The following ATIC variants were observed in gnomAD, a reference collection of about 807,000 sequenced individuals.
ATIC encodes the protein bifunctional purine biosynthesis protein ATIC.
ATIC carries 64 observed loss-of-function variants against 72.5 expected under a neutral mutation model. That is an observed-to-expected ratio of 0.88 (90% CI 0.72 to 1.09). ATIC has a LOEUF of 1.09. Ranked by LOEUF, ATIC falls within the 50% of genes least tolerant of loss-of-function variation. ATIC has a pLI of 0.00. For synonymous variants in ATIC, 281 were observed against 267.1 expected (o/e 1.05, Z -0.51); for missense variants, 787 against 732.4 (o/e 1.07, Z -0.86).
the ATIC span, among the ~76,000 whole-genome samples, chr2:215,355,969 T>C: frequency 6.6e-6 from 1 of 152,364 alleles, no homozygotes; most frequent in Non-Finnish European, 1.5e-5. Flanking sequence ...TCCAAAAGGC[T>C]GAATAGCTTC....
the ATIC span, chr2:215,362,060 C>A: frequency 6.2e-7 from 1 of 1,614,034 alleles, no homozygotes; most frequent in Non-Finnish European, 8.5e-7. Flanking sequence ...AGGTCTGCGG[C>A]AGTTGTCACA....
chr2:215,340,068 C>T (rs1368961058), intron 12 of ATIC, among the ~76,000 whole-genome samples: 3 of 152,148 alleles, frequency 2.0e-5, no homozygotes, highest in Non-Finnish European at 4.4e-5. Flanking sequence ...TAGCTCACTG[C>T]AACGTGGATC....
chr2:215,368,097 C>T, the ATIC span: 8 of 1,475,352 alleles, frequency 5.4e-6, no homozygotes, highest in East Asian at 2.3e-5. Flanking sequence ...AGAAGAAAAT[C>T]GAATGACTGT....
At chr2:215,366,367 A>G in the ATIC span, among the ~76,000 whole-genome samples, 2 of 152,254 alleles carry the variant, frequency 1.3e-5, no homozygotes. Flanking sequence ...CTGGATACAA[A>G]GTAGTTCAAT....
At chr2:215,343,912 T>C (rs1270084229) in intron 12 of ATIC, among the ~76,000 whole-genome samples, 2 of 152,220 alleles carry the variant, frequency 1.3e-5, no homozygotes, top group African/African-American at 4.8e-5. Flanking sequence ...ATAGTGATAT[T>C]TTTGGGCGTT....
intron 6 of ATIC, among the ~76,000 whole-genome samples, chr2:215,326,540 G>T (rs4672767): frequency 6.6e-6 from 1 of 151,354 alleles, no homozygotes; most frequent in African/African-American, 2.4e-5. Flanking sequence ...AACCCAGGAG[G>T]TGGAAGTTGC....
chr2:215,353,808 C>G (rs188091405), downstream of ATIC, among the ~76,000 whole-genome samples: 1 of 151,982 alleles, frequency 6.6e-6, no homozygotes, highest in Non-Finnish European at 1.5e-5. Context: ...GTGATCTGCC[C>G]GCCTCGGCCT....
At chr2:215,358,294 C>T in the ATIC span, among the ~76,000 whole-genome samples, 41,697 of 152,026 alleles carry the variant, frequency 0.27, 6,316 homozygotes, top group South Asian at 0.47. Context: ...GTCTGATTAA[C>T]ATTTACTAGT....
chr2:215,315,371 T>G (rs1477731004), intron 2 of ATIC, among the ~76,000 whole-genome samples: 1 of 151,824 alleles, frequency 6.6e-6, no homozygotes, highest in Non-Finnish European at 1.5e-5. Flanking sequence ...TATATATATA[T>G]TTTTTTAGAG....
At chr2:215,330,446 C>T (rs2052878676) in intron 7 of ATIC, among the ~76,000 whole-genome samples, 1 of 152,124 alleles carries the variant, frequency 6.6e-6, no homozygotes, top group Non-Finnish European at 1.5e-5. Context: ...GCAGTTTCTC[C>T]TGTTAACATC....
chr2:215,320,807 C>G (rs1005970940), intron 4 of ATIC, among the ~76,000 whole-genome samples: 2 of 152,146 alleles, frequency 1.3e-5, no homozygotes, highest in African/African-American at 4.8e-5. Flanking sequence ...TCTTGGAACT[C>G]CTGACCTCAA....
chr2:215,346,283 T>C (rs943530558), intron 13 of ATIC, among the ~76,000 whole-genome samples: 2 of 152,124 alleles, frequency 1.3e-5, no homozygotes, highest in Non-Finnish European at 2.9e-5. Flanking sequence ...CACTTCAGCC[T>C]CCTGAGTAGC....
At chr2:215,345,896 T>C (rs1235025746) in intron 13 of ATIC, among the ~76,000 whole-genome samples, 1 of 152,170 alleles carries the variant, frequency 6.6e-6, no homozygotes, top group African/African-American at 2.4e-5. Context: ...GGCAGACAGC[T>C]TAGGGGCTGT....
the ATIC span, among the ~76,000 whole-genome samples, chr2:215,366,457 G>C: frequency 2.0e-5 from 3 of 151,938 alleles, no homozygotes; most frequent in Admixed American, 6.6e-5. Flanking sequence ...AAATGAACCC[G>C]GATAAAATAA....
chr2:215,318,382 AC>A lies in ATIC; in HGVS notation c.223+150del, dbSNP rs2052732825. On this transcript the variant is annotated intron_variant, in intron 3 of 15. Transcript: ENST00000236959. Reference sequence around the variant, plus strand: ...TGAAGTTGCTGCCAGATTTCATAATACGTTAGAACTGGTTTAAAATCCAGCT... The same window carrying A: ...TGAAGTTGCTGCCAGATTTCATAATAGTTAGAACTGGTTTAAAATCCAGCT... 6 of 777,276 alleles carry A rather than the reference AC, an allele frequency of 7.7e-6. No homozygotes were observed. In the South Asian group the frequency reaches 8.7e-5, roughly 11 times the overall value. The allele number at this position is 777,276 out of a possible 1,614,324, so 48.1% of individuals were successfully genotyped here.
At chr2:215,362,195 G>T in the ATIC span, 1 of 735,928 alleles carries the variant, frequency 1.4e-6, no homozygotes, top group Non-Finnish European at 2.4e-6. Context: ...AATATAAGCA[G>T]TTAATCACTA....
downstream of ATIC, among the ~76,000 whole-genome samples, chr2:215,352,790 A>G (rs2053140672): frequency 6.6e-6 from 1 of 151,728 alleles, no homozygotes; most frequent in African/African-American, 2.4e-5. Flanking sequence ...TTTGATTGGC[A>G]TGTCTCAAGT....
chr2:215,323,549 T>C (rs931439429), intron 4 of ATIC, among the ~76,000 whole-genome samples: 1 of 152,240 alleles, frequency 6.6e-6, no homozygotes, highest in African/African-American at 2.4e-5. Flanking sequence ...TTTTATATAT[T>C]GATCATATAT....
intron 12 of ATIC, among the ~76,000 whole-genome samples, chr2:215,341,866 G>C (rs1428477689): frequency 6.6e-6 from 1 of 152,054 alleles, no homozygotes; most frequent in Admixed American, 6.6e-5. Context: ...CTGAGACTGG[G>C]CAATTTATAA....
Sources: gnomAD v4.1 joint callset for allele counts (sites outside exome capture counted in the v4.1 genomes callset) on GRCh38, gnomAD v4.1.1 for gene constraint, MANE v1.5 for transcripts, NCBI Gene and HGNC (gene_info 2026-07-23, HGNC 2026-07-21) for gene names.